The following PEX5 variants were observed in gnomAD, a reference collection of about 807,000 sequenced individuals.
PEX5 encodes the protein peroxisomal biogenesis factor 5.
In PEX5, 52 loss-of-function variants were observed where a neutral mutation model predicts 82.9. The ratio of observed to expected loss-of-function variants is 0.63; its 90% CI spans 0.50 to 0.79. The LOEUF (loss-of-function observed/expected upper bound fraction) is 0.79. Ranked by LOEUF, PEX5 falls within the 30% of genes least tolerant of loss-of-function variation. The pLI is 0.00. For missense variants in PEX5, 719 were observed against 815.2 expected, an observed-to-expected ratio of 0.88 and a Z score of 1.44; for synonymous variants, 300 against 318.8, an observed-to-expected ratio of 0.94 and a Z score of 0.63.
intron 6 of PEX5, among the ~76,000 whole-genome samples, chr12:7,199,990 C>A (rs1943515763): frequency 7.9e-6 from 1 of 126,866 alleles, no homozygotes; most frequent in Non-Finnish European, 1.7e-5. Context: ...CCCCCGCCTC[C>A]CTCCCGGACG....
chr12:7,206,468 A>T (rs1194173875), intron 10 of PEX5, among the ~76,000 whole-genome samples: 1 of 152,238 alleles, frequency 6.6e-6, no homozygotes, highest in Non-Finnish European at 1.5e-5. Context: ...TTTGCTGATC[A>T]CTGGACTAGC....
intron 11 of PEX5, 101 bp downstream of exon 11, chr12:7,207,903 G>A (rs1945015405): frequency 6.5e-7 from 1 of 1,533,506 alleles, no homozygotes; most frequent in African/African-American, 1.4e-5. Context: ...CCTGGGTGAT[G>A]GCCTAGGATA....
intron 8 of PEX5, 54 bp from the exon 9 acceptor site, chr12:7,202,558 T>C: frequency 6.6e-7 from 1 of 1,506,886 alleles, no homozygotes; most frequent in South Asian, 1.1e-5. Flanking sequence ...TTAGTGTGCG[T>C]CTGATGGATA....
chr12:7,200,889 G>T (rs1403979940), intron 6 of PEX5, among the ~76,000 whole-genome samples: 4 of 150,920 alleles, frequency 2.7e-5, no homozygotes, highest in Non-Finnish European at 4.4e-5. Flanking sequence ...GGAAAGAGAG[G>T]GGGAGAGAGA....
chr12:7,207,532 G>T lies in PEX5; in HGVS notation c.967-127G>T, dbSNP rs775231904. On this transcript the variant is annotated intron_variant, in intron 10 of 15. Transcript: ENST00000675855. ...ATGATCTTTATAATATGGAGAATTT[G>T]CCAGCAATTAATTCCGGAACCTGTT... The T allele has an allele frequency of 6.5e-5, 57 of 879,820 alleles. 2 individuals are homozygous for T. In the South Asian group the frequency reaches 7.4e-4, roughly 11 times the overall value. The allele number at this position is 879,820 out of a possible 1,614,324, so 54.5% of individuals were successfully genotyped here. A position where few individuals can be genotyped will look rare whatever the true frequency, so the allele number is the denominator to read the frequency against.
intron 14 of PEX5, 142 bp from the exon 15 acceptor site, chr12:7,209,541 A>AACAGC: frequency 5.4e-6 from 1 of 184,428 alleles, no homozygotes; most frequent in Non-Finnish European, 9.0e-6. Context: ...ACTGTTGAGA[A>AACAGC]TGGAATGGGA....
At chr12:7,191,772 T>TTA (rs1941181498) in intron 5 of PEX5, 72 bp downstream of exon 5, 1 of 1,432,048 alleles carries the variant, frequency 7.0e-7, no homozygotes, top group African/African-American at 1.4e-5. Flanking sequence ...CCTGTTCACG[T>TTA]TATAGTGTGA....
rs755469133 is a variant in PEX5 at position 7,190,917 on chromosome 12, A to C, written c.177A>C (p.Glu59Asp). ...AASKPLGVAS[E>D]DELVAEFLQD... ...CCAAGCCTTTGGGAGTAGCTTCTGA[A>C]GATGAGGTAAATAGACCAGTCTCTT... Residue 59 changes from glutamate to aspartate, a missense_variant, in exon 3 of 16, where the codon GAA (glutamate) becomes GAC (aspartate). By Grantham distance (45) the Glu-to-Asp change is conservative (BLOSUM62 2). Coordinates refer to ENST00000675855, the MANE Select transcript of PEX5 (RefSeq NM_001351132.2). 1.4e-5 allele frequency: 23 copies of C among 1,612,982 alleles called. No individual in the cohort carries two copies. The East Asian group carries it at 5.1e-4, about 36-fold the overall frequency.
chr12:7,200,335 G>A (rs1242666196), intron 6 of PEX5, among the ~76,000 whole-genome samples: 4 of 151,570 alleles, frequency 2.6e-5, no homozygotes, highest in East Asian at 3.9e-4. Context: ...ATGGGATGGC[G>A]GCTGGGAAGA....
At chr12:7,200,931 GCTTA>G (rs1221049428) in intron 6 of PEX5, among the ~76,000 whole-genome samples, 1 of 150,742 alleles carries the variant, frequency 6.6e-6, no homozygotes, top group Non-Finnish European at 1.5e-5. Flanking sequence ...GAGGGAGAGG[GCTTA>G]CTTTATTCTT....
intron 5 of PEX5, among the ~76,000 whole-genome samples, chr12:7,195,067 A>C (rs1488186168): frequency 6.6e-6 from 1 of 152,224 alleles, no homozygotes. Context: ...ATGTGGGTAG[A>C]CTGACCCTAC....
rs1288027405 is a variant in PEX5 at position 7,189,706 on chromosome 12, C to G, written c.-61C>G. On this transcript the variant is annotated 5_prime_UTR_variant, in exon 1 of 16. Coordinates refer to ENST00000675855, the MANE Select transcript of PEX5 (RefSeq NM_001351132.2). ...GCCCCCTCTTCTCCCCTCCCCCAAG[C>G]CAGCACCTGGTGCCCCGGCGGGTCG... 8.0e-6 allele frequency: 3 copies of G among 376,714 alleles called. No homozygotes were observed. The highest frequency in any genetic ancestry group is 1.4e-5 in the Non-Finnish European group (3 of 215,264). 23.3% of individuals were successfully genotyped at this position (376,714 alleles called of 1,614,324 possible). A position where few individuals can be genotyped will look rare whatever the true frequency, so the allele number is the denominator to read the frequency against.
chr12:7,208,969 A>G, intron 13 of PEX5, 36 bp from the exon 14 acceptor site: 1 of 1,588,502 alleles, frequency 6.3e-7, no homozygotes, highest in African/African-American at 1.3e-5. Context: ...AGAGACATTC[A>G]TCTACCTACT....
At position 7,197,482 on chromosome 12, in the gene PEX5, T is replaced by TGTA. The variant is rs1565689338; in HGVS notation, c.449-1529_449-1528insGTA. ...TAATAATTATATATGTTATATATAATATAATAATTATATATGTTATATATA... is the reference window on the plus strand; with the variant it reads ...TAATAATTATATATGTTATATATAATGTAATAATAATTATATATGTTATATATA... On this transcript the variant is annotated intron_variant, in intron 5 of 15. Transcript: ENST00000675855. Among the ~76,000 whole-genome samples, 10 of 141,644 alleles carry TGTA rather than the reference T, an allele frequency of 7.1e-5. 1 individual carries two copies. The highest frequency in any genetic ancestry group is 2.4e-4 in the African/African-American group (9 of 37,334). 92.9% of individuals were successfully genotyped at this position (141,644 alleles called of 152,430 possible).
chr12:7,198,940 A>G, intron 5 of PEX5, 71 bp from the exon 6 acceptor site: 2 of 823,670 alleles, frequency 2.4e-6, no homozygotes, highest in Admixed American at 2.0e-5. Context: ...GAATATGGGC[A>G]TCTCTTTCCC....
chr12:7,190,072 C>G (rs1301575010), intron 1 of PEX5: 1 of 1,498,688 alleles, frequency 6.7e-7, no homozygotes, highest in African/African-American at 1.4e-5. Flanking sequence ...CCCCGGGGTC[C>G]AGGCCCCTTT....
chr12:7,209,799 C>T lies in PEX5; in HGVS notation c.1677C>T (p.Arg559=), dbSNP rs756477662. The part of the protein sequence containing the change: ...LELQPGYIRS[R]YNLGISCINL... ...TCCAGCCTGGCTATATCCGGTCCCG[C>T]TATAACCTGGGCATCAGCTGCATCA... Residue 559 remains arginine, a synonymous_variant, in exon 15 of 16, where the codon CGC becomes CGT. Transcript: ENST00000675855. 9 of 1,614,212 alleles carry T rather than the reference C, an allele frequency of 5.6e-6. No individual in the cohort carries two copies. In the South Asian group the frequency reaches 7.7e-5, roughly 14 times the overall value.
rs1261750019 is a variant in PEX5 at position 7,190,366 on chromosome 12, C to T, written c.-12C>T. 1.2e-6 allele frequency: 2 copies of T among 1,614,160 alleles called. No homozygotes were observed. Among genetic ancestry groups the T allele is most frequent in the South Asian group, 1.1e-5 (1 of 91,088 alleles). The stretch of plus-strand genomic sequence containing the variant: ...CAAACCTCCTGTGTCCATCAGAGAG[C>T]TGGCGGTCACCATGGCAATGCGGGA... On this transcript the variant is annotated 5_prime_UTR_variant, in exon 2 of 16. Transcript: ENST00000675855.
At chr12:7,190,977 T>C (rs1940987961) in intron 3 of PEX5, 54 bp downstream of exon 3, 1 of 1,534,896 alleles carries the variant, frequency 6.5e-7, no homozygotes, top group Admixed American at 1.7e-5. Flanking sequence ...ACTGTGTTTT[T>C]ACCTTTAAAC....
Sources: gnomAD v4.1 joint callset for allele counts (sites outside exome capture counted in the v4.1 genomes callset) on GRCh38, gnomAD v4.1.1 for gene constraint, MANE v1.5 for transcripts, NCBI Gene and HGNC (gene_info 2026-07-23, HGNC 2026-07-21) for gene names.